Variants in SLC2A9 observed in about 807,000 individuals in gnomAD.
SLC2A9 encodes the protein solute carrier family 2, facilitated glucose transporter member 9.
In SLC2A9, 39 loss-of-function variants were observed where a neutral mutation model predicts 50.6. That is an observed-to-expected ratio of 0.77 (90% CI 0.60 to 1.01). The LOEUF (loss-of-function observed/expected upper bound fraction) is 1.01. Ranked by LOEUF, SLC2A9 falls within the 50% of genes least tolerant of loss-of-function variation. The pLI is 0.00. For missense variants in SLC2A9, 686 were observed against 677.6 expected (o/e 1.01, Z -0.14); for synonymous variants, 324 against 276.9 (o/e 1.17, Z -1.69).
intron 3 of SLC2A9, among the ~76,000 whole-genome samples, chr4:9,989,663 T>C (rs1757344226): frequency 2.0e-5 from 3 of 152,160 alleles, no homozygotes; most frequent in Non-Finnish European, 4.4e-5. Context: ...CAGCACACCT[T>C]TCCAAATGCA....
At chr4:10,019,223 G>C in intron 1 of SLC2A9, 150 bp from the exon 2 acceptor site, 2 of 677,092 alleles carry the variant, frequency 3.0e-6, no homozygotes, top group Non-Finnish European at 5.2e-6. Flanking sequence ...AGAGACGCAA[G>C]TTGGGGACCT....
At chr4:9,878,324 C>T (rs1384810610) in intron 10 of SLC2A9, among the ~76,000 whole-genome samples, 4 of 152,028 alleles carry the variant, frequency 2.6e-5, no homozygotes, top group Non-Finnish European at 5.9e-5. Context: ...GCAGCGCTGG[C>T]CATGCTTGGA....
intron 2 of SLC2A9, among the ~76,000 whole-genome samples, chr4:10,014,413 C>A (rs1762270430): frequency 2.0e-5 from 3 of 152,236 alleles, no homozygotes; most frequent in Admixed American, 2.0e-4. Flanking sequence ...GCAGTTTCCA[C>A]CTCGGAAGGG....
chr4:9,936,817 G>C (rs1747168681), intron 6 of SLC2A9, among the ~76,000 whole-genome samples: 1 of 152,134 alleles, frequency 6.6e-6, no homozygotes, highest in Non-Finnish European at 1.5e-5. Flanking sequence ...CTTTGATATG[G>C]TCTCTAAACT....
chr4:9,865,731 G>A (rs968640165), intron 10 of SLC2A9, among the ~76,000 whole-genome samples: 8 of 152,212 alleles, frequency 5.3e-5, no homozygotes, highest in Non-Finnish European at 5.9e-5. Flanking sequence ...TTCTCTCGAT[G>A]CCACATGGCA....
chr4:10,032,409 G>C (rs1300256723), intron 1 of SLC2A9, among the ~76,000 whole-genome samples: 2 of 152,110 alleles, frequency 1.3e-5, no homozygotes, highest in African/African-American at 4.8e-5. Flanking sequence ...CTTGTGACGT[G>C]GTTAGGGATG....
Position 9,955,474 on chromosome 4 carries a change from C to T in SLC2A9, c.682-13429G>A, listed in dbSNP as rs1262504944. Among the ~76,000 whole-genome samples the T allele has an allele frequency of 7.6e-5, 3 of 39,586 alleles. 1 individual carries two copies. The highest frequency in any genetic ancestry group is 0.01 in the Middle Eastern group (1 of 100). 26.0% of individuals were successfully genotyped at this position (39,586 alleles called of 152,430 possible). A position where few individuals can be genotyped will look rare whatever the true frequency, so the allele number is the denominator to read the frequency against. On this transcript the variant is annotated intron_variant, in intron 5 of 11. Coordinates refer to ENST00000264784, the MANE Select transcript of SLC2A9 (RefSeq NM_020041.3). ...TGCGCCACTGCACTCCCGCCTGGGC[C>T]ACAGAGCGAGACTCCGTCTCAAAAA...
intron 3 of SLC2A9, among the ~76,000 whole-genome samples, chr4:9,789,813 C>T (rs1356265022): frequency 6.6e-6 from 1 of 152,222 alleles, no homozygotes; most frequent in Admixed American, 6.5e-5. Context: ...ATTAATAATA[C>T]AATGCCAGTT....
chr4:9,987,692 A>G (rs1029813874), intron 3 of SLC2A9, among the ~76,000 whole-genome samples: 1 of 152,148 alleles, frequency 6.6e-6, no homozygotes, highest in Admixed American at 6.5e-5. Flanking sequence ...ATATAAAAAT[A>G]TAAGTTTTTT....
intron 2 of SLC2A9, among the ~76,000 whole-genome samples, chr4:10,018,546 T>TGATAGATAGATAGATGATAGATAGATA (rs57476588): frequency 1.0e-4 from 15 of 145,430 alleles, no homozygotes; most frequent in East Asian, 4.5e-4. Context: ...ATCTCAAAGA[T>TGATAGATAGATAGATGATAGATAGATA]GATAGATAGA....
chr4:10,018,880 G>T, intron 2 of SLC2A9, 95 bp downstream of exon 2: 2 of 1,227,602 alleles, frequency 1.6e-6, no homozygotes, highest in East Asian at 2.6e-5. Flanking sequence ...CGCCGCGAGC[G>T]CAACAGGAGG....
chr4:9,949,067 T>C (rs2108826951), intron 5 of SLC2A9, among the ~76,000 whole-genome samples: 1 of 152,340 alleles, frequency 6.6e-6, no homozygotes, highest in East Asian at 1.9e-4. Context: ...CACATCTATC[T>C]ACTCATCCTT....
intron 2 of SLC2A9, among the ~76,000 whole-genome samples, chr4:10,008,465 GA>G (rs1417096417): frequency 6.6e-6 from 1 of 152,184 alleles, no homozygotes; most frequent in African/African-American, 2.4e-5. Flanking sequence ...TCATATTAGA[GA>G]AAAATTGGAA....
intron 5 of SLC2A9, among the ~76,000 whole-genome samples, chr4:9,945,561 G>A (rs1560359123): frequency 6.6e-6 from 1 of 152,212 alleles, no homozygotes; most frequent in Non-Finnish European, 1.5e-5. Context: ...CTCGGTCATA[G>A]AGGCATGACT....
chr4:9,790,782 G>A (rs2108882869), intron 3 of SLC2A9, among the ~76,000 whole-genome samples: 1 of 152,240 alleles, frequency 6.6e-6, no homozygotes, highest in Admixed American at 6.5e-5. Context: ...TAAAAAAATT[G>A]GATGTGTTAG....
chr4:9,899,890 G>A (rs1007982860), intron 8 of SLC2A9, among the ~76,000 whole-genome samples: 6 of 152,168 alleles, frequency 3.9e-5, no homozygotes, highest in African/African-American at 7.2e-5. Flanking sequence ...TCCTGTGGAC[G>A]TCTCCTCCAC....
chr4:10,025,168 T>C (rs1032913537), upstream of SLC2A9, among the ~76,000 whole-genome samples: 4 of 152,158 alleles, frequency 2.6e-5, no homozygotes, highest in Non-Finnish European at 5.9e-5. Flanking sequence ...TAAATACAAA[T>C]AAATTTTCCC....
At chr4:9,986,814 G>A (rs1756800682) in intron 3 of SLC2A9, among the ~76,000 whole-genome samples, 1 of 152,154 alleles carries the variant, frequency 6.6e-6, no homozygotes, top group African/African-American at 2.4e-5. Context: ...ACATGCCTAA[G>A]ACCTCATGGT....
intron 6 of SLC2A9, among the ~76,000 whole-genome samples, chr4:9,934,134 G>T (rs1746643942): frequency 6.6e-6 from 1 of 152,096 alleles, no homozygotes; most frequent in Admixed American, 6.5e-5. Context: ...TTTCAGGGTG[G>T]GGTGGAGGTC....
Sources: allele counts gnomAD v4.1 joint callset (sites outside exome capture counted in the v4.1 genomes callset), GRCh38; gene constraint gnomAD v4.1.1; transcripts MANE v1.5; gene names NCBI Gene and HGNC (gene_info 2026-07-23, HGNC 2026-07-21).